ATP8A2: variants seen among roughly 807,000 people sequenced by gnomAD.
The protein encoded by ATP8A2 is ATPase phospholipid transporting 8A2.
In ATP8A2, 100 loss-of-function variants were observed where a neutral mutation model predicts 165.6. The observed-to-expected ratio is 0.60, with a 90% confidence interval of 0.51 to 0.71. The LOEUF (loss-of-function observed/expected upper bound fraction) is 0.71. Ranked by LOEUF, ATP8A2 falls within the 30% of genes least tolerant of loss-of-function variation. The pLI is 0.00. For synonymous variants in ATP8A2, 543 were observed against 548.8 expected (o/e 0.99, Z 0.15); for missense variants, 1,227 against 1,479.5 (o/e 0.83, Z 2.80).
chr13:25,578,722 A>G, intron 20 of ATP8A2, 93 bp from the exon 21 acceptor site: 1 of 783,024 alleles, frequency 1.3e-6, no homozygotes, highest in Non-Finnish European at 2.3e-6. Flanking sequence ...ATTCTCATGC[A>G]TGTTAGATAA....
At chr13:25,847,849 G>A (rs1408307167) in intron 30 of ATP8A2, among the ~76,000 whole-genome samples, 2 of 151,904 alleles carry the variant, frequency 1.3e-5, no homozygotes, top group East Asian at 1.9e-4. Flanking sequence ...AACCAAGCCC[G>A]AGCCCACACC....
At chr13:25,763,940 A>G (rs2044437709) in intron 25 of ATP8A2, among the ~76,000 whole-genome samples, 1 of 152,234 alleles carries the variant, frequency 6.6e-6, no homozygotes, top group Admixed American at 6.5e-5. Context: ...ACATGTTTGT[A>G]TATCTATCTA....
At chr13:26,019,454 AGTGTTGTGTGT>A in intron 36 of ATP8A2, among the ~76,000 whole-genome samples, 1 of 152,296 alleles carries the variant, frequency 6.6e-6, no homozygotes, top group African/African-American at 2.4e-5. Context: ...TTGCACTATT[AGTGTTGTGTGT>A]GTGTTTCCCT....
intron 33 of ATP8A2, among the ~76,000 whole-genome samples, chr13:25,920,460 C>G (rs1483362774): frequency 2.0e-5 from 3 of 152,204 alleles, no homozygotes; most frequent in Admixed American, 6.5e-5. Context: ...TTGTGTTCCC[C>G]TGCCCACTTC....
chr13:25,798,272 G>A (rs1950537120), intron 27 of ATP8A2, among the ~76,000 whole-genome samples: 2 of 152,142 alleles, frequency 1.3e-5, no homozygotes, highest in South Asian at 2.1e-4. Context: ...TATAGAATGA[G>A]CAGTGATGCA....
chr13:25,912,238 G>A (rs987480202), intron 33 of ATP8A2, among the ~76,000 whole-genome samples: 2 of 151,430 alleles, frequency 1.3e-5, no homozygotes, highest in Non-Finnish European at 2.9e-5. Context: ...TTAGTCATTT[G>A]CAAAAATATG....
intron 4 of ATP8A2, 116 bp from the exon 5 acceptor site, chr13:25,532,156 C>A (rs2038134592): frequency 2.6e-6 from 2 of 780,200 alleles, no homozygotes; most frequent in African/African-American, 1.8e-5. Context: ...ACAGCATGAG[C>A]ATTATTGGCA....
intron 27 of ATP8A2, among the ~76,000 whole-genome samples, chr13:25,818,259 A>G (rs1405175494): frequency 6.6e-6 from 1 of 152,106 alleles, no homozygotes; most frequent in Non-Finnish European, 1.5e-5. Flanking sequence ...ATCCCTTGGC[A>G]CTCAAGGAAA....
chr13:25,824,494 T>C (rs1490647525), intron 27 of ATP8A2, among the ~76,000 whole-genome samples: 5 of 152,222 alleles, frequency 3.3e-5, no homozygotes, highest in Non-Finnish European at 7.3e-5. Context: ...TCATGTGCGT[T>C]TGTCATATCC....
intron 6 of ATP8A2, among the ~76,000 whole-genome samples, chr13:25,535,370 G>C (rs1485354828): frequency 2.0e-5 from 3 of 152,144 alleles, no homozygotes; most frequent in Non-Finnish European, 2.9e-5. Context: ...GATTGACTTC[G>C]AGAGGATCTT....
At chr13:25,533,421 C>T in intron 6 of ATP8A2, 108 bp downstream of exon 6, 1 of 645,192 alleles carries the variant, frequency 1.5e-6, no homozygotes, top group Non-Finnish European at 2.7e-6. Flanking sequence ...GTAGAGTTTT[C>T]CATGAGGTCT....
intron 35 of ATP8A2, among the ~76,000 whole-genome samples, chr13:25,986,713 T>C (rs942353946): frequency 2.6e-5 from 4 of 152,246 alleles, no homozygotes; most frequent in African/African-American, 4.8e-5. Flanking sequence ...CCCCTCTGGA[T>C]GTATATACCC....
intron 25 of ATP8A2, among the ~76,000 whole-genome samples, chr13:25,765,551 G>A (rs186571711): frequency 4.9e-4 from 74 of 152,282 alleles, no homozygotes; most frequent in Non-Finnish European, 9.7e-4. Flanking sequence ...CTAGAATTAT[G>A]TTTTCTCAAG....
intron 25 of ATP8A2, among the ~76,000 whole-genome samples, chr13:25,704,504 T>C (rs991744506): frequency 1.3e-5 from 2 of 152,054 alleles, no homozygotes; most frequent in African/African-American, 4.8e-5. Flanking sequence ...TGGCTAATTT[T>C]TAAAATTTTT....
chr13:25,835,544 G>T (rs965596276), intron 28 of ATP8A2, among the ~76,000 whole-genome samples: 1 of 152,046 alleles, frequency 6.6e-6, no homozygotes, highest in Non-Finnish European at 1.5e-5. Context: ...CTGAGAGCTT[G>T]CTGGGTTTGT....
At position 25,400,228 on chromosome 13, in the gene ATP8A2, T is replaced by C. The variant is rs570797013; in HGVS notation, c.76+27940T>C. On this transcript the variant is annotated intron_variant, in intron 1 of 36. Transcript: ENST00000381655. ...GTGTGAGCCACCACACCTGGTTTCT[T>C]GGTGCTTCTGAGGAACACAGCATTC... 8.5e-5 allele frequency among the ~76,000 whole-genome samples: 13 copies of C among 152,326 alleles called. No homozygotes were observed. The South Asian group carries it at 2.7e-3, about 32-fold the overall frequency.
chr13:26,001,467 A>T (rs11842300), intron 35 of ATP8A2, among the ~76,000 whole-genome samples: 3,640 of 152,292 alleles, frequency 0.024, 132 homozygotes, highest in African/African-American at 0.076. Context: ...ACCATTTTAC[A>T]TCTCACCAAG....
intron 33 of ATP8A2, among the ~76,000 whole-genome samples, chr13:25,904,729 A>G (rs1390660492): frequency 6.6e-6 from 1 of 152,180 alleles, no homozygotes; most frequent in Non-Finnish European, 1.5e-5. Context: ...ATGGTTGCTT[A>G]TATAACACAT....
chr13:25,945,297 G>A (rs1955182743), intron 33 of ATP8A2, among the ~76,000 whole-genome samples: 2 of 81,194 alleles, frequency 2.5e-5, no homozygotes, highest in East Asian at 5.1e-4. Context: ...TTATTGATGA[G>A]GTTCTGGGGG....
Sources: gnomAD v4.1 joint callset for allele counts (sites outside exome capture counted in the v4.1 genomes callset) on GRCh38, gnomAD v4.1.1 for gene constraint, MANE v1.5 for transcripts, NCBI Gene and HGNC (gene_info 2026-07-23, HGNC 2026-07-21) for gene names.